Variants in ABHD17C observed in about 807,000 individuals in gnomAD.
ABHD17C encodes the protein abhydrolase domain containing 17C, depalmitoylase, also known as alpha/beta hydrolase domain-containing protein 17C.
A neutral mutation model predicts 27.9 loss-of-function variants in ABHD17C; 11 were observed. That is an observed-to-expected ratio of 0.39 (90% CI 0.25 to 0.65). ABHD17C has a LOEUF of 0.65. Among genes scored for constraint, ABHD17C ranks in the 30% least tolerant of loss-of-function variants. The pLI, the probability that ABHD17C is intolerant of heterozygous loss-of-function variation, is 0.45. For synonymous variants in ABHD17C, 233 were observed against 209.1 expected, an observed-to-expected ratio of 1.11 and a Z score of -0.98; for missense variants, 280 against 470.2, an observed-to-expected ratio of 0.60 and a Z score of 3.74.
chr15:80,744,371 A>G (rs1451906704), intron 1 of ABHD17C, among the ~76,000 whole-genome samples: 16 of 152,196 alleles, frequency 1.1e-4, no homozygotes. Flanking sequence ...GAAAAAAAAA[A>G]TCCTAGTACT....
chr15:80,747,659 A>C (rs368133523), intron 1 of ABHD17C, among the ~76,000 whole-genome samples: 47 of 152,184 alleles, frequency 3.1e-4, no homozygotes, highest in African/African-American at 1.1e-3. Context: ...GCCAACGGGA[A>C]TGAAGCCCCA....
At chr15:80,723,766 T>G (rs1284981744) in intron 1 of ABHD17C, among the ~76,000 whole-genome samples, 3 of 152,190 alleles carry the variant, frequency 2.0e-5, no homozygotes, top group African/African-American at 4.8e-5. Flanking sequence ...AGGCTGCTGC[T>G]TTGCGTGGCC....
intron 1 of ABHD17C, among the ~76,000 whole-genome samples, chr15:80,747,419 G>T (rs1171250453): frequency 1.3e-5 from 2 of 152,164 alleles, no homozygotes; most frequent in Non-Finnish European, 2.9e-5. Flanking sequence ...GATCTTGGTG[G>T]CAGTTGCTGC....
intron 1 of ABHD17C, among the ~76,000 whole-genome samples, chr15:80,706,672 C>T (rs1052492358): frequency 6.6e-6 from 1 of 152,166 alleles, no homozygotes; most frequent in South Asian, 2.1e-4. Context: ...AGAATTCTTA[C>T]CTAATCTCAG....
chr15:80,727,285 A>G (rs1308711634), intron 1 of ABHD17C, among the ~76,000 whole-genome samples: 1 of 152,202 alleles, frequency 6.6e-6, no homozygotes, highest in African/African-American at 2.4e-5. Context: ...AGGGCAGTTC[A>G]GCCAGTGGAG....
rs67320992 is a variant in ABHD17C, at chr15:80,713,354, CTTTTTT to C, written c.590+17358_590+17363del. Among the ~76,000 whole-genome samples the C allele has an allele frequency of 3.2e-4, 14 of 43,844 alleles. No homozygotes were observed. In the East Asian group the frequency reaches 3.2e-3, roughly 10 times the overall value. The allele number at this position is 43,844 out of a possible 152,430, so 28.8% of individuals were successfully genotyped here. ...GAAGGAAAGCCACTGAGGTCTTGTT[CTTTTTT>C]TTTTTTTTTTTTTTTTTTTTTTCAA... On this transcript the variant is annotated intron_variant, in intron 1 of 2. Coordinates refer to ENST00000258884, the MANE Select transcript of ABHD17C (RefSeq NM_021214.2).
At chr15:80,713,865 T>C (rs188348195) in intron 1 of ABHD17C, among the ~76,000 whole-genome samples, 65 of 150,742 alleles carry the variant, frequency 4.3e-4, no homozygotes, top group African/African-American at 1.5e-3. Flanking sequence ...GGTAGTCTTA[T>C]AATATCTTTG....
At chr15:80,739,883 T>C (rs1328509248) in intron 1 of ABHD17C, among the ~76,000 whole-genome samples, 5 of 152,200 alleles carry the variant, frequency 3.3e-5, no homozygotes, top group African/African-American at 9.7e-5. Flanking sequence ...CTCAAATCTT[T>C]TCCCTTTTGG....
intron 1 of ABHD17C, among the ~76,000 whole-genome samples, chr15:80,749,311 T>C (rs1895334396): frequency 6.6e-6 from 1 of 152,216 alleles, no homozygotes; most frequent in South Asian, 2.1e-4. Context: ...GGCAGAATCA[T>C]AGTCACTTAG....
chr15:80,695,759 CT>C lies in ABHD17C; in HGVS notation c.332del (p.Phe111SerfsTer90). 2 of 1,538,418 alleles carry C rather than the reference CT, an allele frequency of 1.3e-6. No homozygotes were observed. The highest frequency in any genetic ancestry group is 1.7e-6 in the Non-Finnish European group (2 of 1,148,566). The stretch of plus-strand genomic sequence containing the variant: ...GCGAGCTGGACGCCGTCGAGGTCTT[CT>C]TCTCGCGCACGGCCCGGGACAACCG... Reference protein sequence around the residue: ...QRELDAVEVFFSRTARDNRLG... With the variant: ...QRELDAVEVFXSRTARDNRLG... On this transcript the variant is annotated frameshift_variant, in exon 1 of 3. Coordinates refer to ENST00000258884, the MANE Select transcript of ABHD17C (RefSeq NM_021214.2). LOFTEE classifies it high-confidence loss of function. The surrounding 1 kb of genome is among the most constrained non-coding windows in gnomAD (Gnocchi z 4.3).
intron 1 of ABHD17C, among the ~76,000 whole-genome samples, chr15:80,735,052 G>A (rs1404288897): frequency 6.6e-6 from 1 of 152,164 alleles, no homozygotes; most frequent in Non-Finnish European, 1.5e-5. Flanking sequence ...GTCCTTGCTT[G>A]AACAGATATC....
At chr15:80,713,239 AAC>A (rs1317045002) in intron 1 of ABHD17C, among the ~76,000 whole-genome samples, 3 of 151,974 alleles carry the variant, frequency 2.0e-5, no homozygotes, top group Non-Finnish European at 4.4e-5. Context: ...GTGCCGTGGT[AAC>A]AGTGTCCTGC....
intron 1 of ABHD17C, among the ~76,000 whole-genome samples, chr15:80,700,435 A>C (rs1894555956): frequency 6.6e-6 from 1 of 152,144 alleles, no homozygotes; most frequent in Non-Finnish European, 1.5e-5. Context: ...TGGTGACAAA[A>C]GCTGTGGAGG....
chr15:80,708,575 C>T (rs765886291), intron 1 of ABHD17C, among the ~76,000 whole-genome samples: 3 of 152,152 alleles, frequency 2.0e-5, no homozygotes, highest in African/African-American at 2.4e-5. Flanking sequence ...CCTCAGCCTC[C>T]GAAAGTGCTG....
intron 1 of ABHD17C, among the ~76,000 whole-genome samples, chr15:80,698,370 A>T (rs1011184589): frequency 6.6e-6 from 1 of 151,180 alleles, no homozygotes; most frequent in Non-Finnish European, 1.5e-5. Context: ...GGCCTATTTC[A>T]CTTTTATAAA....
chr15:80,696,739 T>G (rs1357873122), intron 1 of ABHD17C, among the ~76,000 whole-genome samples: 1 of 152,178 alleles, frequency 6.6e-6, no homozygotes, highest in Non-Finnish European at 1.5e-5. Flanking sequence ...GAAAAGTGTT[T>G]AGGGTGGGCC....
chr15:80,748,607 T>C (rs1257408929), intron 1 of ABHD17C, among the ~76,000 whole-genome samples: 1 of 151,748 alleles, frequency 6.6e-6, no homozygotes, highest in Non-Finnish European at 1.5e-5. Flanking sequence ...TTCTAAGCAC[T>C]CTTTAGATAT....
intron 1 of ABHD17C, among the ~76,000 whole-genome samples, chr15:80,744,476 A>G (rs568733082): frequency 3.9e-4 from 60 of 152,354 alleles, no homozygotes; most frequent in Admixed American, 1.7e-3. Flanking sequence ...TCACAGAATT[A>G]TCTACCTCCT....
At chr15:80,723,211 A>G (rs577051042) in intron 1 of ABHD17C, among the ~76,000 whole-genome samples, 2 of 151,988 alleles carry the variant, frequency 1.3e-5, no homozygotes, top group South Asian at 2.1e-4. Flanking sequence ...TTAAATTCCA[A>G]TATTATAAAC....
Sources: gnomAD v4.1 joint callset for allele counts (sites outside exome capture counted in the v4.1 genomes callset) on GRCh38, gnomAD v4.1.1 for gene constraint, Gnocchi (gnomAD v3.1) non-coding constraint, MANE v1.5 for transcripts, NCBI Gene and HGNC (gene_info 2026-07-23, HGNC 2026-07-21) for gene names.